Variants in KLRG1 observed in about 807,000 individuals in gnomAD.
KLRG1 encodes killer cell lectin like receptor G1.
Under a neutral mutation model 21.8 loss-of-function variants are expected in KLRG1, and 16 were observed. That is an observed-to-expected ratio of 0.73 (90% CI 0.50 to 1.11). KLRG1 has a LOEUF of 1.11. Ranked by LOEUF, KLRG1 falls within the 50% of genes most tolerant of loss-of-function variation. The pLI is 0.00. For missense variants in KLRG1, 173 were observed against 218.3 expected (o/e 0.79, Z 1.31); for synonymous variants, 69 against 75.9 (o/e 0.91, Z 0.47).
At chr12:9,169,381 C>T in the KLRG1 span, 2 of 1,462,208 alleles carry the variant, frequency 1.4e-6, no homozygotes, top group South Asian at 1.3e-5. Context: ...GTTTTATTAA[C>T]ATTCAAAAAC....
At chr12:9,169,376 A>C in the KLRG1 span, 1 of 1,446,234 alleles carries the variant, frequency 6.9e-7, no homozygotes, top group East Asian at 2.3e-5. Context: ...ACAGAGTTTT[A>C]TTAACATTCA....
At chr12:9,025,318 A>G in the KLRG1 span, among the ~76,000 whole-genome samples, 5 of 152,296 alleles carry the variant, frequency 3.3e-5, no homozygotes, top group Admixed American at 3.3e-4. Flanking sequence ...TAACAAAATT[A>G]TGTTGAAAGG....
chr12:9,190,657 T>C, the KLRG1 span, among the ~76,000 whole-genome samples: 3 of 152,188 alleles, frequency 2.0e-5, no homozygotes, highest in African/African-American at 7.2e-5. Flanking sequence ...CGAGTTTACC[T>C]ACATAACAAA....
At chr12:9,028,917 C>T in the KLRG1 span, 4 of 635,574 alleles carry the variant, frequency 6.3e-6, no homozygotes, top group East Asian at 3.6e-5. Flanking sequence ...ATGTGACAAA[C>T]CCAAAGCCCC....
the KLRG1 span, chr12:9,157,920 C>T: frequency 8.7e-7 from 1 of 1,146,938 alleles, no homozygotes; most frequent in East Asian, 2.5e-5. Flanking sequence ...TGGAAACGCT[C>T]CTCAGTATCT....
Position 9,010,197 on chromosome 12 carries a change from A to C in KLRG1, c.*660A>C. 1.8e-6 allele frequency: 1 copy of C among 542,480 alleles called. No individual in the cohort carries two copies. 33.6% of individuals were successfully genotyped at this position (542,480 alleles called of 1,614,324 possible). ...CAAGACTCCATCTCTAAAAAAAAAA[A>C]AAAATGCTAATGTGAGAATATAAAT... is the stretch of plus-strand genomic sequence containing the variant. On this transcript the variant is annotated 3_prime_UTR_variant, in exon 5 of 5. Transcript: ENST00000356986.
chr12:9,180,914 T>C, the KLRG1 span: 17 of 1,530,124 alleles, frequency 1.1e-5, no homozygotes, highest in Non-Finnish European at 1.4e-5. Flanking sequence ...GACAAAGGGC[T>C]AATAGAGGCT....
intron 1 of KLRG1, among the ~76,000 whole-genome samples, chr12:8,972,020 T>G (rs1946576949): frequency 6.6e-6 from 1 of 152,226 alleles, no homozygotes; most frequent in Non-Finnish European, 1.5e-5. Flanking sequence ...TGAAATACCA[T>G]TTGTCTATTT....
At chr12:9,107,755 C>T in the KLRG1 span, 1 of 1,249,784 alleles carries the variant, frequency 8.0e-7, no homozygotes, top group African/African-American at 1.5e-5. Flanking sequence ...GTACTTCCCT[C>T]TGCTCTCTGC....
At chr12:9,083,581 A>C in the KLRG1 span, among the ~76,000 whole-genome samples, 1 of 152,024 alleles carries the variant, frequency 6.6e-6, no homozygotes, top group African/African-American at 2.4e-5. Flanking sequence ...AAGATAGAGT[A>C]TTTGGAATTA....
chr12:9,157,673 A>C, the KLRG1 span: 9 of 1,160,616 alleles, frequency 7.8e-6, no homozygotes, highest in East Asian at 2.1e-4. Context: ...CATTGAACCA[A>C]AAGATACTTG....
the KLRG1 span, chr12:9,116,288 T>C: frequency 4.2e-6 from 1 of 240,656 alleles, no homozygotes; most frequent in Non-Finnish European, 8.3e-6. Flanking sequence ...AAAATAGATA[T>C]TTCACTACAA....
the KLRG1 span, among the ~76,000 whole-genome samples, chr12:9,214,756 T>C: frequency 6.6e-6 from 1 of 152,018 alleles, no homozygotes; most frequent in African/African-American, 2.4e-5. Context: ...TACAGTTATG[T>C]TACCTTTTCT....
chr12:9,132,676 T>A, the KLRG1 span, among the ~76,000 whole-genome samples: 110 of 125,728 alleles, frequency 8.7e-4, no homozygotes, highest in African/African-American at 3.4e-3. Flanking sequence ...GTGGGAAGAG[T>A]GAGAAAAAAT....
chr12:9,168,447 T>C, the KLRG1 span: 1 of 159,330 alleles, frequency 6.3e-6, no homozygotes, highest in Admixed American at 6.4e-5. Flanking sequence ...ATTTGAATAG[T>C]GGTTTTGGCC....
the KLRG1 span, among the ~76,000 whole-genome samples, chr12:9,190,991 G>A: frequency 1.3e-5 from 2 of 152,096 alleles, no homozygotes; most frequent in African/African-American, 4.8e-5. Context: ...ATTAAAATAT[G>A]TGGTTAAAAT....
At chr12:8,990,690 CA>C (rs1370998048) in intron 1 of KLRG1, among the ~76,000 whole-genome samples, 1 of 151,990 alleles carries the variant, frequency 6.6e-6, no homozygotes, top group African/African-American at 2.4e-5. Flanking sequence ...TTCAAGGTCA[CA>C]CACACAACTG....
At chr12:9,182,453 A>G in the KLRG1 span, among the ~76,000 whole-genome samples, 4 of 152,178 alleles carry the variant, frequency 2.6e-5, no homozygotes, top group Non-Finnish European at 4.4e-5. Flanking sequence ...TTTACATTTC[A>G]GACTAGAGGT....
chr12:9,077,236 A>T, the KLRG1 span: 1 of 1,084,744 alleles, frequency 9.2e-7, no homozygotes, highest in Non-Finnish European at 1.3e-6. Context: ...GGCATTGCAT[A>T]GAAAGAAAGC....
Sources: gnomAD v4.1 joint callset for allele counts (sites outside exome capture counted in the v4.1 genomes callset) on GRCh38, gnomAD v4.1.1 for gene constraint, MANE v1.5 for transcripts, NCBI Gene and HGNC (gene_info 2026-07-23, HGNC 2026-07-21) for gene names.